The following PHF24 variants were observed in gnomAD, a reference collection of about 807,000 sequenced individuals.
The protein encoded by PHF24 is Galpha inhibitory interacting protein.
Under a neutral mutation model 42.6 loss-of-function variants are expected in PHF24, and 25 were observed. The observed-to-expected ratio is 0.59, with a 90% CI of 0.43 to 0.82. PHF24 has a LOEUF of 0.82. Among genes scored for constraint, PHF24 ranks in the 40% least tolerant of loss-of-function variants. The pLI is 0.00. For missense variants in PHF24, 470 were observed against 538.1 expected (o/e 0.87, Z 1.25); for synonymous variants, 185 against 204.8 (o/e 0.90, Z 0.83).
chr9:34,675,292 C>T, the PHF24 span, among the ~76,000 whole-genome samples: 1 of 152,070 alleles, frequency 6.6e-6, no homozygotes, highest in African/African-American at 2.4e-5. Flanking sequence ...CTGCAGAGGG[C>T]GTCTAGCATA....
the PHF24 span, among the ~76,000 whole-genome samples, chr9:34,731,641 T>C: frequency 6.6e-6 from 1 of 152,368 alleles, no homozygotes; most frequent in East Asian, 1.9e-4. Context: ...CATTCTTTTT[T>C]TATGGCTGAA....
At chr9:34,931,836 T>C in the PHF24 span, among the ~76,000 whole-genome samples, 3 of 152,062 alleles carry the variant, frequency 2.0e-5, no homozygotes, top group Non-Finnish European at 4.4e-5. Context: ...ACAAACACAC[T>C]AGGCAAGAAG....
chr9:34,790,008 G>C, the PHF24 span, among the ~76,000 whole-genome samples: 1 of 152,074 alleles, frequency 6.6e-6, no homozygotes, highest in African/African-American at 2.4e-5. Flanking sequence ...CACCATGCCT[G>C]GCTAATTTTA....
At chr9:34,871,563 T>C in the PHF24 span, among the ~76,000 whole-genome samples, 1 of 152,214 alleles carries the variant, frequency 6.6e-6, no homozygotes, top group East Asian at 1.9e-4. Context: ...TGGGGTTTTT[T>C]AGGTTTCTGT....
the PHF24 span, among the ~76,000 whole-genome samples, chr9:34,812,056 T>A: frequency 6.6e-6 from 1 of 152,182 alleles, no homozygotes; most frequent in East Asian, 1.9e-4. Context: ...ACATCATTAG[T>A]CGTTAGGAAA....
the PHF24 span, among the ~76,000 whole-genome samples, chr9:34,880,505 A>G: frequency 6.6e-5 from 10 of 152,146 alleles, no homozygotes; most frequent in Admixed American, 6.6e-5. Context: ...TAAAGGGATG[A>G]AGGAAGATCT....
At chr9:34,960,133 T>C (rs1037403342) in intron 1 of PHF24, among the ~76,000 whole-genome samples, 1 of 152,210 alleles carries the variant, frequency 6.6e-6, no homozygotes, top group Non-Finnish European at 1.5e-5. Flanking sequence ...GAGTTCAACT[T>C]TGAGCTCCAA....
At chr9:34,690,018 G>A in the PHF24 span, 1 of 1,614,022 alleles carries the variant, frequency 6.2e-7, no homozygotes, top group Admixed American at 1.7e-5. Context: ...CCTCAGTGTG[G>A]TGAACCTGGG....
the PHF24 span, among the ~76,000 whole-genome samples, chr9:34,850,983 C>T: frequency 2.0e-5 from 3 of 152,118 alleles, no homozygotes; most frequent in Non-Finnish European, 2.9e-5. Context: ...GAGTACCCGG[C>T]CATGTGAGGT....
chr9:34,743,354 T>C, the PHF24 span, among the ~76,000 whole-genome samples: 2 of 152,322 alleles, frequency 1.3e-5, no homozygotes, highest in Admixed American at 6.5e-5. Flanking sequence ...ATGAGAAAAT[T>C]TGGACTTGAA....
chr9:34,762,187 T>C, the PHF24 span, among the ~76,000 whole-genome samples: 2 of 152,046 alleles, frequency 1.3e-5, no homozygotes, highest in African/African-American at 2.4e-5. Flanking sequence ...AGCAGCATGA[T>C]TTATAGTCAT....
At chr9:34,680,309 A>G in the PHF24 span, among the ~76,000 whole-genome samples, 2 of 152,068 alleles carry the variant, frequency 1.3e-5, no homozygotes, top group Non-Finnish European at 2.9e-5. Flanking sequence ...TGGGAGGCGG[A>G]GGTTGCAGTG....
At chr9:34,728,129 G>T in the PHF24 span, 1 of 1,525,020 alleles carries the variant, frequency 6.6e-7, no homozygotes, top group South Asian at 1.2e-5. Flanking sequence ...TAATTTCATA[G>T]GCATCCTATA....
chr9:34,836,735 C>G, the PHF24 span, among the ~76,000 whole-genome samples: 4 of 152,186 alleles, frequency 2.6e-5, no homozygotes, highest in Non-Finnish European at 5.9e-5. Flanking sequence ...GAGAATGTGA[C>G]ATGGGTGACT....
the PHF24 span, among the ~76,000 whole-genome samples, chr9:34,764,314 A>G: frequency 6.6e-6 from 1 of 151,380 alleles, no homozygotes; most frequent in African/African-American, 2.4e-5. Flanking sequence ...TTCGGCTGTG[A>G]ATCCATCTGG....
chr9:34,809,661 G>A, the PHF24 span, among the ~76,000 whole-genome samples: 2 of 152,354 alleles, frequency 1.3e-5, no homozygotes, highest in Admixed American at 1.3e-4. The surrounding 1 kb of genome is among the most constrained non-coding windows in gnomAD (Gnocchi z 4.1). Context: ...GAGGGCGAAA[G>A]TCGCTGGAAG....
the PHF24 span, among the ~76,000 whole-genome samples, chr9:34,946,266 T>TA: frequency 6.6e-6 from 1 of 152,346 alleles, no homozygotes; most frequent in Admixed American, 6.5e-5. Context: ...AGGTGGTTCC[T>TA]AACTGCCTCA....
chr9:34,799,698 C>T, the PHF24 span, among the ~76,000 whole-genome samples: 4 of 152,074 alleles, frequency 2.6e-5, no homozygotes, highest in African/African-American at 7.2e-5. Flanking sequence ...TTTAATTTTC[C>T]ACCTCTTATA....
At chr9:34,821,271 TTTTA>T in the PHF24 span, among the ~76,000 whole-genome samples, 1 of 152,226 alleles carries the variant, frequency 6.6e-6, no homozygotes, top group African/African-American at 2.4e-5. Flanking sequence ...ATTTAAAACA[TTTTA>T]TTTATTTCTT....
Sources: gnomAD v4.1 joint callset for allele counts (sites outside exome capture counted in the v4.1 genomes callset) on GRCh38, gnomAD v4.1.1 for gene constraint, Gnocchi (gnomAD v3.1) non-coding constraint, MANE v1.5 for transcripts, NCBI Gene and HGNC (gene_info 2026-07-23, HGNC 2026-07-21) for gene names.